The following NEO1 variants were observed in gnomAD, a reference collection of about 807,000 sequenced individuals.
The protein encoded by NEO1 is neogenin 1, also known as neogenin.
In NEO1, 63 loss-of-function variants were observed where a neutral mutation model predicts 159.7. The observed-to-expected ratio is 0.39, with a 90% CI of 0.32 to 0.49. The LOEUF is 0.49. Ranked by LOEUF, NEO1 falls within the 20% of genes least tolerant of loss-of-function variation. The probability of loss-of-function intolerance (pLI) is 0.85; values close to 1 mark genes in which losing one functional copy is unlikely to be tolerated. For missense variants in NEO1, 1,615 were observed against 1,831.0 expected (o/e 0.88, Z 2.15); for synonymous variants, 633 against 662.0 (o/e 0.96, Z 0.67).
chr15:73,220,850 A>G (rs2038206395), intron 7 of NEO1, among the ~76,000 whole-genome samples: 1 of 152,064 alleles, frequency 6.6e-6, no homozygotes, highest in Non-Finnish European at 1.5e-5. Context: ...AAAGTTTTCA[A>G]CTTCTTTGCC....
intron 5 of NEO1, among the ~76,000 whole-genome samples, chr15:73,138,993 AAAAG>A (rs1567291465): frequency 6.6e-6 from 1 of 152,128 alleles, no homozygotes; most frequent in Non-Finnish European, 1.5e-5. Flanking sequence ...TAAAAGGAAA[AAAAG>A]AAAAAGCAGT....
At chr15:73,137,433 A>G (rs1273395877) in intron 5 of NEO1, among the ~76,000 whole-genome samples, 1 of 152,122 alleles carries the variant, frequency 6.6e-6, no homozygotes, top group African/African-American at 2.4e-5. Context: ...CCCATTTTTA[A>G]ATTTTGTTTT....
chr15:73,173,216 A>G (rs1171472714), intron 5 of NEO1, among the ~76,000 whole-genome samples: 1 of 152,254 alleles, frequency 6.6e-6, no homozygotes, highest in Admixed American at 6.5e-5. Flanking sequence ...GAGAAGGAAC[A>G]GACAAACTTA....
intron 7 of NEO1, among the ~76,000 whole-genome samples, chr15:73,186,170 GAA>G (rs553588641): frequency 6.4e-5 from 9 of 139,884 alleles, no homozygotes; most frequent in African/African-American, 1.8e-4. Flanking sequence ...CTTTTTGCCA[GAA>G]AAAAAAAAAA....
intron 1 of NEO1, among the ~76,000 whole-genome samples, chr15:73,054,206 C>T (rs2067595530): frequency 1.3e-5 from 2 of 152,136 alleles, no homozygotes; most frequent in African/African-American, 2.4e-5. Context: ...AAAACAAGTT[C>T]CTGTTACTCA....
chr15:73,153,527 A>G (rs550463988), intron 5 of NEO1, among the ~76,000 whole-genome samples: 2 of 152,354 alleles, frequency 1.3e-5, no homozygotes, highest in Admixed American at 1.3e-4. Flanking sequence ...AAAGGGAACT[A>G]CAGATCTAGA....
chr15:73,118,881 A>T (rs1426545229), intron 2 of NEO1, among the ~76,000 whole-genome samples: 3 of 152,206 alleles, frequency 2.0e-5, no homozygotes, highest in African/African-American at 4.8e-5. Flanking sequence ...TGAACAATTA[A>T]ATGGATTAAA....
intron 5 of NEO1, among the ~76,000 whole-genome samples, chr15:73,161,130 A>C (rs117318817): frequency 0.011 from 1,702 of 152,176 alleles, 21 homozygotes; most frequent in East Asian, 0.05. Context: ...AATATGTTTA[A>C]ATTTTCTTTT....
intron 4 of NEO1, among the ~76,000 whole-genome samples, chr15:73,130,314 C>A (rs952344091): frequency 3.0e-4 from 45 of 149,636 alleles, no homozygotes; most frequent in African/African-American, 1.1e-3. Flanking sequence ...TCCCGCCCCC[C>A]CCGCCGCATA....
rs1228513120 is a variant in NEO1 at position 73,245,578 on chromosome 15, CT to C, written c.1606+1094del. ...AATTACTGTTTTTCCTCAGTGTATT[CT>C]TTTTTTTTTTTTTGAGGCGGAGTCT... is the stretch of plus-strand genomic sequence containing the variant. On this transcript the variant is annotated intron_variant, in intron 9 of 28. Coordinates refer to ENST00000261908, the MANE Select transcript of NEO1 (RefSeq NM_002499.4). 6.8e-3 allele frequency among the ~76,000 whole-genome samples: 965 copies of C among 142,394 alleles called. 5 individuals carry two copies. Among genetic ancestry groups the C allele is most frequent in the Middle Eastern group, 0.018 (5 of 276 alleles). 93.4% of individuals were successfully genotyped at this position (142,394 alleles called of 152,430 possible).
intron 23 of NEO1, among the ~76,000 whole-genome samples, chr15:73,283,730 C>T (rs1333648422): frequency 1.3e-5 from 2 of 152,138 alleles, no homozygotes; most frequent in Non-Finnish European, 2.9e-5. Context: ...GCTGGTCACC[C>T]CCTTTGGAGC....
At chr15:73,169,581 T>C (rs924902493) in intron 5 of NEO1, among the ~76,000 whole-genome samples, 3 of 151,846 alleles carry the variant, frequency 2.0e-5, no homozygotes, top group African/African-American at 7.2e-5. Flanking sequence ...GATGATTTTT[T>C]CTAATAGTCT....
In NEO1 at chr15:73,116,597, T is replaced by C; in HGVS notation, c.188T>C (p.Leu63Pro). The C allele has an allele frequency of 6.3e-7, 1 of 1,593,912 alleles. No individual in the cohort carries two copies. The highest frequency in any genetic ancestry group is 8.5e-7 in the Non-Finnish European group (1 of 1,172,846). Residue 63 changes from leucine to proline, a missense_variant, in exon 2 of 29, where the codon CTC (leucine) becomes CCC (proline). By Grantham distance (98) the Leu-to-Pro change is moderately conservative. This residue lies in a region of NEO1 where 1,018 missense variants were observed against 1,115.4 expected (regional missense o/e 0.91). Coordinates refer to ENST00000261908, the MANE Select transcript of NEO1 (RefSeq NM_002499.4). The stretch of plus-strand genomic sequence containing the variant: ...TTTCTGGTGGAGCCGGTGGATACAC[T>C]CTCAGTTAGAGGCTCTTCTGTTATA... Reference protein sequence around the residue: ...FYFLVEPVDTLSVRGSSVILN... With the variant: ...FYFLVEPVDTPSVRGSSVILN...
At chr15:73,236,648 C>A in intron 8 of NEO1, 142 bp downstream of exon 8, 1 of 729,878 alleles carries the variant, frequency 1.4e-6, no homozygotes, top group South Asian at 1.7e-5. Flanking sequence ...AATTTTAGGT[C>A]ATTAAATAAA....
At chr15:73,226,117 G>A (rs1567536454) in intron 7 of NEO1, among the ~76,000 whole-genome samples, 1 of 152,230 alleles carries the variant, frequency 6.6e-6, no homozygotes, top group African/African-American at 2.4e-5. Flanking sequence ...CACTTCCACA[G>A]TTGGGGCACT....
chr15:73,193,636 C>T (rs1207773894), intron 7 of NEO1, among the ~76,000 whole-genome samples: 1 of 148,204 alleles, frequency 6.7e-6, no homozygotes, highest in Non-Finnish European at 1.5e-5. Context: ...GCATAATTAC[C>T]AAAAAGTGTC....
chr15:73,090,989 G>C (rs1484463994), intron 1 of NEO1, among the ~76,000 whole-genome samples: 2 of 152,168 alleles, frequency 1.3e-5, no homozygotes, highest in Non-Finnish European at 2.9e-5. Context: ...TTATAGATGA[G>C]TAAACTGAGA....
chr15:73,155,972 C>A (rs1044133341), intron 5 of NEO1, among the ~76,000 whole-genome samples: 3 of 152,044 alleles, frequency 2.0e-5, no homozygotes, highest in South Asian at 2.1e-4. Flanking sequence ...TGGTTAGGAC[C>A]TATTGCGGGA....
At chr15:73,090,416 A>G (rs146981855) in intron 1 of NEO1, among the ~76,000 whole-genome samples, 271 of 152,294 alleles carry the variant, frequency 1.8e-3, no homozygotes, top group Middle Eastern at 6.8e-3. Flanking sequence ...GTGAGAGAGA[A>G]TGAGAGACAG....
Sources: allele counts gnomAD v4.1 joint callset (sites outside exome capture counted in the v4.1 genomes callset), GRCh38; gene constraint gnomAD v4.1.1; regional missense constraint gnomAD v4.1.1; transcripts MANE v1.5; gene names NCBI Gene and HGNC (gene_info 2026-07-23, HGNC 2026-07-21).